Variants in SMG6 observed in about 807,000 individuals in gnomAD.
The protein encoded by SMG6 is telomerase-binding protein EST1A.
A neutral mutation model predicts 142.2 loss-of-function variants in SMG6; 66 were observed. The observed-to-expected ratio is 0.46, with a 90% CI of 0.38 to 0.57. The LOEUF is 0.57. SMG6 is among the 20% of genes least tolerant of loss of function. The pLI is 0.00. For missense variants in SMG6, 1,793 were observed against 1,832.0 expected (o/e 0.98, Z 0.39); for synonymous variants, 779 against 702.4 (o/e 1.11, Z -1.72).
At position 2,068,954 on chromosome 17, in the gene SMG6, G is replaced by A; in HGVS notation, c.3682-23C>T. ...AGCCTATGGGGACAGAGTGGTGAAT[G>A]AGCCAGACAGCGAGCAGGCAAGCAG... On this transcript the variant is annotated intron_variant, in intron 15 of 18. Transcript: ENST00000263073. This position sits in a 1 kb window ranked among gnomAD's most constrained non-coding sequence, Gnocchi z 6.7. The A allele has an allele frequency of 1.9e-6, 3 of 1,610,890 alleles. No individual in the cohort carries two copies. The highest frequency in any genetic ancestry group is 2.5e-6 in the Non-Finnish European group (3 of 1,177,532).
At chr17:2,131,064 A>C (rs1053241933) in intron 13 of SMG6, among the ~76,000 whole-genome samples, 17 of 152,214 alleles carry the variant, frequency 1.1e-4, no homozygotes, top group Non-Finnish European at 1.8e-4. Flanking sequence ...TTACCCCACC[A>C]AATTATAAGC....
chr17:2,078,348 T>C (rs1256214997), intron 15 of SMG6, among the ~76,000 whole-genome samples: 1 of 152,094 alleles, frequency 6.6e-6, no homozygotes, highest in African/African-American at 2.4e-5. Context: ...TTTAAGATGA[T>C]GCTCTAGTTG....
At chr17:2,083,268 A>T (rs570561080) in intron 14 of SMG6, among the ~76,000 whole-genome samples, 2 of 152,340 alleles carry the variant, frequency 1.3e-5, no homozygotes, top group East Asian at 3.9e-4. Context: ...GGTCATATAC[A>T]GATGGAATCT....
At chr17:2,288,672 G>A (rs1369046422) in intron 6 of SMG6, among the ~76,000 whole-genome samples, 2 of 150,752 alleles carry the variant, frequency 1.3e-5, no homozygotes. Context: ...GCTCACACCT[G>A]TATCCTAGCA....
At chr17:2,224,568 G>A (rs1202599741) in intron 10 of SMG6, among the ~76,000 whole-genome samples, 2 of 152,108 alleles carry the variant, frequency 1.3e-5, no homozygotes, top group African/African-American at 4.8e-5. Context: ...ACAAAAAGAA[G>A]GGAGTCAGAA....
At chr17:2,137,394 G>A (rs2070338176) in intron 13 of SMG6, among the ~76,000 whole-genome samples, 1 of 152,020 alleles carries the variant, frequency 6.6e-6, no homozygotes, top group South Asian at 2.1e-4. Context: ...TGCTATTCAG[G>A]TGCTCATGTT....
At chr17:2,076,946 C>A (rs553628108) in intron 15 of SMG6, among the ~76,000 whole-genome samples, 2 of 152,188 alleles carry the variant, frequency 1.3e-5, no homozygotes, top group Non-Finnish European at 2.9e-5. Flanking sequence ...ACCAGGCGCA[C>A]GGGAAGTCAA....
In SMG6 at chr17:2,258,038, T is replaced by TACACAC. The variant is rs869173398; in HGVS notation, c.2662-13325_2662-13320dup. 5.1e-3 allele frequency among the ~76,000 whole-genome samples: 457 copies of TACACAC among 89,260 alleles called. 13 individuals are homozygous for TACACAC. Among genetic ancestry groups the TACACAC allele is most frequent in the South Asian group, 0.017 (49 of 2,950 alleles). 58.6% of individuals were successfully genotyped at this position (89,260 alleles called of 152,430 possible). ...AAAAAAAAAAAAAAAAAAAAAAATA[T>TACACAC]ACACACACACACACACACACACACA... On this transcript the variant is annotated intron_variant, in intron 8 of 18. Transcript: ENST00000263073.
intron 12 of SMG6, among the ~76,000 whole-genome samples, chr17:2,183,772 A>G (rs892017869): frequency 7.4e-5 from 5 of 67,764 alleles, no homozygotes; most frequent in Non-Finnish European, 1.5e-4. Context: ...ACACACACAC[A>G]CACACACACA....
chr17:2,282,821 G>C lies in SMG6; in HGVS notation c.2487C>G (p.Asp829Glu), dbSNP rs749663505. 41 of 1,614,008 alleles carry C rather than the reference G, an allele frequency of 2.5e-5. No homozygotes were observed. In the Admixed American group the frequency reaches 6.8e-4, roughly 27 times the overall value. The change falls in exon 8 of 19, where the codon GAC becomes GAG. Residue 829 changes from aspartate to glutamate, a missense_variant. Asp to Glu is a conservative substitution (Grantham distance 45). Around this residue, in one of 3 missense-constraint regions of SMG6, gnomAD observed 1,597 missense variants for 1,584.6 expected, o/e 1.01. Transcript: ENST00000263073. The part of the protein sequence containing the change: ...QMEKKQHEEF[D>E]LSPDQWRKGK... The stretch of plus-strand genomic sequence containing the variant: ...CTTTCCGCCACTGGTCAGGGCTCAG[G>C]TCAAATTCCTCATGTTGCTTCTTTT...
chr17:2,081,757 G>T, intron 15 of SMG6, 53 bp downstream of exon 15: 1 of 1,602,118 alleles, frequency 6.2e-7, no homozygotes, highest in Non-Finnish European at 8.5e-7. Flanking sequence ...ATCCTCTCAT[G>T]CCCTAGACAG....
At position 2,273,376 on chromosome 17, in the gene SMG6, C is replaced by T. The variant is rs188547137; in HGVS notation, c.2661+9271G>A. Among the ~76,000 whole-genome samples the T allele has an allele frequency of 8.5e-5, 13 of 152,176 alleles. No individual in the cohort carries two copies. The East Asian group carries it at 2.3e-3, about 27-fold the overall frequency. On this transcript the variant is annotated intron_variant, in intron 8 of 18. Coordinates refer to ENST00000263073, the MANE Select transcript of SMG6 (RefSeq NM_017575.5). ...ACTCAAAATATAAAAATTAGCCAGG[C>T]GTGGCTGGGGACAGTGGCTCACGCC...
chr17:2,160,796 C>A (rs780853478), intron 13 of SMG6, among the ~76,000 whole-genome samples: 3 of 151,256 alleles, frequency 2.0e-5, no homozygotes, highest in South Asian at 2.1e-4. Context: ...GTATCACTGC[C>A]CTCCACCCTG....
chr17:2,237,656 G>T (rs1002929040), intron 9 of SMG6: 1 of 718,626 alleles, frequency 1.4e-6, no homozygotes, highest in South Asian at 6.3e-5. Context: ...AACGCAGGGA[G>T]GCAGAAATCT....
intron 13 of SMG6, among the ~76,000 whole-genome samples, chr17:2,148,629 C>T (rs562106641): frequency 2.0e-5 from 3 of 152,200 alleles, no homozygotes; most frequent in Admixed American, 6.5e-5. Context: ...GAGGCCAAGG[C>T]GGGCGGATCA....
chr17:2,075,790 G>A (rs1413178717), intron 15 of SMG6, among the ~76,000 whole-genome samples: 2 of 152,264 alleles, frequency 1.3e-5, no homozygotes, highest in Admixed American at 6.5e-5. Context: ...AAGACAGAGC[G>A]TGGGCTGAGC....
chr17:2,128,739 A>G (rs894035537), intron 13 of SMG6, among the ~76,000 whole-genome samples: 2 of 149,044 alleles, frequency 1.3e-5, no homozygotes, highest in African/African-American at 5.0e-5. Context: ...CAGGAGAATC[A>G]CTTGAACCCA....
At chr17:2,269,062 G>A (rs149657869) in intron 8 of SMG6, among the ~76,000 whole-genome samples, 1 of 151,690 alleles carries the variant, frequency 6.6e-6, no homozygotes, top group African/African-American at 2.4e-5. Context: ...AAATTAGCTG[G>A]GCATGTTGGC....
At chr17:2,269,973 G>A (rs370132959) in intron 8 of SMG6, among the ~76,000 whole-genome samples, 4 of 152,230 alleles carry the variant, frequency 2.6e-5, no homozygotes, top group African/African-American at 9.6e-5. Flanking sequence ...AGACTGCAGT[G>A]AGCTATGATG....
Sources: gnomAD v4.1 joint callset for allele counts (sites outside exome capture counted in the v4.1 genomes callset) on GRCh38, gnomAD v4.1.1 for gene constraint, gnomAD v4.1.1 regional missense constraint, Gnocchi (gnomAD v3.1) non-coding constraint, MANE v1.5 for transcripts, NCBI Gene and HGNC (gene_info 2026-07-23, HGNC 2026-07-21) for gene names.